Variants in LYSMD4 observed in about 807,000 individuals in gnomAD.
The protein encoded by LYSMD4 is LysM domain containing 4, also known as lysM and putative peptidoglycan-binding domain-containing protein 4.
A neutral mutation model predicts 6.1 loss-of-function variants in LYSMD4; 9 were observed. The observed-to-expected ratio is 1.47, with a 90% confidence interval of 0.88 to 2.56. The LOEUF is 2.56. Ranked by LOEUF, LYSMD4 falls within the 30% of genes most tolerant of loss-of-function variation. The probability of loss-of-function intolerance (pLI) is 0.00; values close to 1 mark genes in which losing one functional copy is unlikely to be tolerated. For synonymous variants in LYSMD4, 143 were observed against 148.5 expected (o/e 0.96, Z 0.27); for missense variants, 384 against 373.5 (o/e 1.03, Z -0.23).
At chr15:99,720,407 G>C (rs1277587475), upstream of LYSMD4, among the ~76,000 whole-genome samples, 1 of 152,084 alleles carries the variant, frequency 6.6e-6, no homozygotes, top group African/African-American at 2.4e-5. Context: ...GATCACTTGA[G>C]CCCAGGAATT....
At position 99,729,509 on chromosome 15, in the gene LYSMD4, A is replaced by G; in HGVS notation, c.505T>C (p.Phe169Leu). The G allele has an allele frequency of 6.2e-7, 1 of 1,614,144 alleles. No homozygotes were observed. The highest frequency in any genetic ancestry group is 8.5e-7 in the Non-Finnish European group (1 of 1,180,026). The change falls in exon 3 of 3, where the codon TTC becomes CTC. Residue 169 changes from phenylalanine to leucine, a missense_variant. Physicochemically the swap from Phe to Leu is conservative, Grantham distance 22. Transcript: ENST00000684762. ...TGAQAGQLMG[F>L]FKGIDQDIER... is the part of the protein sequence containing the mutation. ...ATATCCTGGTCAATCCCCTTAAAGA[A>G]GCCCATCAGTTGGCCGGCCTGGGCA...
In LYSMD4 at chr15:99,733,428, G is replaced by A. The variant is rs567813300; in HGVS notation, c.-92C>T. ...ACCCGCAGCTGCCACCGCGCCTGCG[G>A]ATTGGCTACGAACATCAGCAGGGCC... On this transcript the variant is annotated 5_prime_UTR_variant, in exon 1 of 3. Coordinates refer to ENST00000684762, the MANE Select transcript of LYSMD4 (RefSeq NM_001284417.2). 1 of 395,410 alleles carries A rather than the reference G, an allele frequency of 2.5e-6. No homozygotes were observed. Among genetic ancestry groups the A allele is most frequent in the South Asian group, 1.3e-4 (1 of 7,840 alleles). 24.5% of individuals were successfully genotyped at this position (395,410 alleles called of 1,614,324 possible).
chr15:99,721,354 G>A (rs1341924378), upstream of LYSMD4, among the ~76,000 whole-genome samples: 1 of 152,150 alleles, frequency 6.6e-6, no homozygotes, highest in Non-Finnish European at 1.5e-5. Context: ...TGCCCATAAG[G>A]AGCCAGGGTG....
At chr15:99,723,470 C>A (rs1006678263), downstream of LYSMD4, among the ~76,000 whole-genome samples, 2 of 152,220 alleles carry the variant, frequency 1.3e-5, no homozygotes, top group African/African-American at 2.4e-5. Flanking sequence ...TCTTGATGCT[C>A]TGGCTTTGTG....
chr15:99,721,513 G>C (rs1463337616), upstream of LYSMD4, among the ~76,000 whole-genome samples: 1 of 152,188 alleles, frequency 6.6e-6, no homozygotes, highest in Non-Finnish European at 1.5e-5. Flanking sequence ...CACACCTCCA[G>C]AGCAGCTGTT....
In LYSMD4 at chr15:99,729,246, G is replaced by A; in HGVS notation, c.768C>T (p.Val256=). The change falls in exon 3 of 3, where the codon GTC becomes GTT. Residue 256 remains valine (V), a synonymous_variant. Coordinates refer to ENST00000684762, the MANE Select transcript of LYSMD4 (RefSeq NM_001284417.2). ...GETPNSLNTT[V]IPNGSMAMGT... ...CCATTGCCATCGAGCCATTGGGGAT[G>A]ACAGTTGTGTTCAAGCTATTAGGGG... 1.2e-6 allele frequency: 2 copies of A among 1,614,236 alleles called. No individual in the cohort carries two copies. The highest frequency in any genetic ancestry group is 1.7e-6 in the Non-Finnish European group (2 of 1,180,042).
chr15:99,725,358 A>C (rs933117585), downstream of LYSMD4, among the ~76,000 whole-genome samples: 3 of 152,062 alleles, frequency 2.0e-5, no homozygotes, highest in Non-Finnish European at 4.4e-5. Context: ...TGCCCTTTTG[A>C]CCTCCACATT....
chr15:99,726,155 TTTTTTTTTTTTTTCCCGCCTGAGTC>T (rs1028789156), downstream of LYSMD4, among the ~76,000 whole-genome samples: 2 of 135,846 alleles, frequency 1.5e-5, no homozygotes, highest in African/African-American at 5.4e-5. Flanking sequence ...GGTTTTTTTT[TTTTTTTTTTTTTTCCCGCCTGAGTC>T]TCGCTTTATC....
chr15:99,726,099 G>T (rs921983508), downstream of LYSMD4, among the ~76,000 whole-genome samples: 1 of 149,548 alleles, frequency 6.7e-6, no homozygotes, highest in East Asian at 2.0e-4. Flanking sequence ...GTCATGGCTC[G>T]TTGGGCCTTT....
intron 1 of LYSMD4, 69 bp from the exon 2 acceptor site, chr15:99,732,076 G>A: frequency 3.5e-6 from 5 of 1,447,824 alleles, no homozygotes; most frequent in South Asian, 1.4e-5. Context: ...CGTTTAAAGA[G>A]AAGTGTCTTG....
intron 2 of LYSMD4, chr15:99,731,389 A>G (rs2059406472): frequency 1.2e-6 from 2 of 1,613,424 alleles, no homozygotes; most frequent in Admixed American, 1.7e-5. Context: ...TCTGCCTGGT[A>G]TCTCCAGCCC....
At chr15:99,716,450 C>T (rs781467335) in exon 1 of LYSMD4, 8 of 455,716 alleles carry the variant, frequency 1.8e-5, no homozygotes, top group Admixed American at 4.7e-5. Flanking sequence ...GTTTGTCTCC[C>T]GCACTCACTC....
intron 2 of LYSMD4, among the ~76,000 whole-genome samples, chr15:99,730,576 A>G (rs928764582): frequency 6.6e-6 from 1 of 152,240 alleles, no homozygotes. Context: ...AATCAAATCA[A>G]TCATTTCCAT....
upstream of LYSMD4, among the ~76,000 whole-genome samples, chr15:99,719,168 G>A (rs149179264): frequency 4.9e-3 from 751 of 151,920 alleles, 10 homozygotes; most frequent in East Asian, 0.031. Context: ...GTGGTTTTGT[G>A]GTTTTTGCCT....
intron 1 of LYSMD4, 76 bp from the exon 2 acceptor site, chr15:99,732,083 CTTG>C (rs1333809575): frequency 1.4e-6 from 2 of 1,422,610 alleles, no homozygotes; most frequent in African/African-American, 1.4e-5. Flanking sequence ...AGAGAAGTGT[CTTG>C]TTAGAGAGTA....
chr15:99,725,206 T>C (rs2059268296), downstream of LYSMD4, among the ~76,000 whole-genome samples: 1 of 152,184 alleles, frequency 6.6e-6, no homozygotes, highest in African/African-American at 2.4e-5. Context: ...TGCGACATAA[T>C]GTCCTCTAGA....
downstream of LYSMD4, among the ~76,000 whole-genome samples, chr15:99,726,873 C>G (rs1335049627): frequency 2.0e-5 from 3 of 152,114 alleles, no homozygotes; most frequent in Admixed American, 2.0e-4. Flanking sequence ...ATATTAAAGC[C>G]TGTATACAGA....
At chr15:99,727,363 A>AG (rs1435235529), downstream of LYSMD4, 2 of 152,198 alleles carry the variant, frequency 1.3e-5, no homozygotes, top group African/African-American at 2.4e-5. Context: ...GGAAGGAGTG[A>AG]GACTGTCTCC....
In LYSMD4 at chr15:99,731,424, T is replaced by A. The variant is rs767606573; in HGVS notation, c.282+294A>T. ...CCATTAGGTCTAAAATAAAATGTGC[T>A]CGAAAGAAGAAAAAAGGTTTCAGAA... On this transcript the variant is annotated intron_variant, in intron 2 of 2. Transcript: ENST00000684762. 6.0e-5 allele frequency: 97 copies of A among 1,607,810 alleles called. No individual in the cohort carries two copies. In the South Asian group the frequency reaches 1.0e-3, roughly 17 times the overall value.
Sources: gnomAD v4.1 joint callset for allele counts (sites outside exome capture counted in the v4.1 genomes callset) on GRCh38, gnomAD v4.1.1 for gene constraint, MANE v1.5 for transcripts, NCBI Gene and HGNC (gene_info 2026-07-23, HGNC 2026-07-21) for gene names.